Variants in PLEKHM3 observed in about 807,000 individuals in gnomAD.
The protein encoded by PLEKHM3 is pleckstrin homology domain containing M3.
A neutral mutation model predicts 81.8 loss-of-function variants in PLEKHM3; 45 were observed. That is an observed-to-expected ratio of 0.55 (90% CI 0.43 to 0.71). PLEKHM3 has a LOEUF of 0.71. Among genes scored for constraint, PLEKHM3 ranks in the 30% least tolerant of loss-of-function variants. The pLI, the probability that PLEKHM3 is intolerant of heterozygous loss-of-function variation, is 0.00. For missense variants in PLEKHM3, 788 were observed against 924.3 expected (o/e 0.85, Z 1.91); for synonymous variants, 352 against 356.4 (o/e 0.99, Z 0.14).
chr2:207,831,738 T>A (rs995911401), intron 7 of PLEKHM3, among the ~76,000 whole-genome samples: 7 of 152,090 alleles, frequency 4.6e-5, no homozygotes, highest in African/African-American at 1.7e-4. Flanking sequence ...CCCAGCCCCC[T>A]CCTCCTTCCA....
intron 7 of PLEKHM3, among the ~76,000 whole-genome samples, chr2:207,856,416 G>A (rs763924451): frequency 2.0e-5 from 3 of 152,176 alleles, no homozygotes; most frequent in Non-Finnish European, 4.4e-5. Flanking sequence ...CACCACTGAA[G>A]CATCATACAG....
intron 6 of PLEKHM3, among the ~76,000 whole-genome samples, chr2:207,875,587 ACAGGGAAATG>A: frequency 6.6e-6 from 1 of 152,350 alleles, no homozygotes; most frequent in South Asian, 2.1e-4. Context: ...ACACAAGTGT[ACAGGGAAATG>A]TGGAGGGTGT....
intron 6 of PLEKHM3, among the ~76,000 whole-genome samples, chr2:207,874,528 C>T (rs1240479528): frequency 3.3e-5 from 5 of 151,444 alleles, no homozygotes; most frequent in East Asian, 2.0e-4. Context: ...GAGCCGAGAT[C>T]GTGCCTTTGC....
At chr2:207,990,369 T>C (rs919900456) in intron 2 of PLEKHM3, among the ~76,000 whole-genome samples, 11 of 152,314 alleles carry the variant, frequency 7.2e-5, no homozygotes, top group Admixed American at 7.2e-4. Flanking sequence ...ACCTTGACTT[T>C]GTGCTCAATC....
At chr2:208,025,221 C>G (rs1693288563) in intron 1 of PLEKHM3, among the ~76,000 whole-genome samples, 168 bp downstream of exon 1, 1 of 152,198 alleles carries the variant, frequency 6.6e-6, no homozygotes, top group African/African-American at 2.4e-5. Flanking sequence ...CACCCATTAG[C>G]CATTGCAGTG....
At chr2:207,860,149 C>CTG (rs1491556619) in intron 7 of PLEKHM3, among the ~76,000 whole-genome samples, 26 of 63,790 alleles carry the variant, frequency 4.1e-4, no homozygotes, top group African/African-American at 1.3e-3. Context: ...TGAACTCTGC[C>CTG]TCTGTGTGTG....
At chr2:207,849,258 C>T (rs1406534265) in intron 7 of PLEKHM3, among the ~76,000 whole-genome samples, 3 of 151,908 alleles carry the variant, frequency 2.0e-5, no homozygotes, top group African/African-American at 7.3e-5. Flanking sequence ...CGCTTGAACC[C>T]GGGAGGTGGA....
At chr2:208,023,686 C>T (rs1693204200) in intron 1 of PLEKHM3, among the ~76,000 whole-genome samples, 1 of 152,004 alleles carries the variant, frequency 6.6e-6, no homozygotes, top group African/African-American at 2.4e-5. Flanking sequence ...CATCCCGTAA[C>T]TATCACCCCC....
chr2:207,991,415 A>G (rs1004271765), intron 2 of PLEKHM3, among the ~76,000 whole-genome samples: 4 of 152,188 alleles, frequency 2.6e-5, no homozygotes, highest in Non-Finnish European at 4.4e-5. Context: ...TCATTAACAG[A>G]ACCCTAATTT....
At chr2:207,994,145 A>C (rs1280096319) in intron 2 of PLEKHM3, among the ~76,000 whole-genome samples, 2 of 152,240 alleles carry the variant, frequency 1.3e-5, no homozygotes, top group Non-Finnish European at 1.5e-5. Flanking sequence ...AATCAGGAGT[A>C]GAGTTTGGAT....
intron 6 of PLEKHM3, among the ~76,000 whole-genome samples, chr2:207,885,817 G>A (rs1687869235): frequency 6.6e-6 from 1 of 152,142 alleles, no homozygotes; most frequent in Non-Finnish European, 1.5e-5. Context: ...ATAAACCTAG[G>A]GGAATAGACA....
intron 1 of PLEKHM3, among the ~76,000 whole-genome samples, chr2:208,002,567 C>T (rs1271959715): frequency 6.6e-6 from 1 of 152,112 alleles, no homozygotes; most frequent in Non-Finnish European, 1.5e-5. Flanking sequence ...CAGGATTGGC[C>T]TCAGAGTATG....
intron 6 of PLEKHM3, among the ~76,000 whole-genome samples, chr2:207,896,818 GCTT>G (rs1688239428): frequency 6.6e-6 from 1 of 152,226 alleles, no homozygotes; most frequent in African/African-American, 2.4e-5. Flanking sequence ...AGTCTGGTAA[GCTT>G]CTCTCCGCAG....
chr2:207,905,416 T>G (rs1688569852), intron 6 of PLEKHM3, among the ~76,000 whole-genome samples: 1 of 152,232 alleles, frequency 6.6e-6, no homozygotes, highest in Non-Finnish European at 1.5e-5. Context: ...TTGGGTCAGT[T>G]AGGTAGGGTT....
intron 2 of PLEKHM3, among the ~76,000 whole-genome samples, chr2:207,994,989 G>A (rs1002033258): frequency 6.6e-6 from 1 of 152,080 alleles, no homozygotes; most frequent in Non-Finnish European, 1.5e-5. Flanking sequence ...GTAACAAACT[G>A]GCACGTTCTG....
At position 207,930,979 on chromosome 2, in the gene PLEKHM3, G is replaced by C. The variant is rs558259008; in HGVS notation, c.1833C>G (p.Leu611=). ...CCCGGCAGCTGAACAAATAGGCTCG[G>C]AGCGACTTCAGCCGCTGCCGCAGCC... is the stretch of plus-strand genomic sequence containing the variant. The part of the protein sequence containing the change: ...VLRLRQRLKS[L]RAYLFSCRAA... Residue 611 remains leucine, a synonymous_variant, in exon 5 of 8, where the codon CTC becomes CTG. Coordinates refer to ENST00000427836, the MANE Select transcript of PLEKHM3 (RefSeq NM_001080475.3). 1.9e-6 allele frequency: 3 copies of C among 1,613,750 alleles called. No individual in the cohort carries two copies. Among genetic ancestry groups the C allele is most frequent in the South Asian group, 1.1e-5 (1 of 91,054 alleles).
intron 6 of PLEKHM3, among the ~76,000 whole-genome samples, chr2:207,863,649 G>A (rs1406616202): frequency 6.6e-6 from 1 of 152,048 alleles, no homozygotes; most frequent in African/African-American, 2.4e-5. Context: ...TCAGTTAATG[G>A]GTGTCGAGTT....
chr2:207,900,357 A>C (rs945229807), intron 6 of PLEKHM3: 1 of 152,260 alleles, frequency 6.6e-6, no homozygotes, highest in Non-Finnish European at 1.5e-5. Context: ...ATCTCCAGAC[A>C]GCACCAGGTT....
At position 207,977,199 on chromosome 2, in the gene PLEKHM3, T is replaced by G. The variant is rs753633998; in HGVS notation, c.998A>C (p.Tyr333Ser). The G allele has an allele frequency of 4.3e-6, 7 of 1,614,210 alleles. No individual in the cohort carries two copies. The highest frequency in any genetic ancestry group is 5.9e-6 in the Non-Finnish European group (7 of 1,180,024). The change falls in exon 3 of 8, where the codon TAT becomes TCT. Residue 333 changes from tyrosine (Y) to serine (S), a missense_variant. Transcript: ENST00000427836. The stretch of plus-strand genomic sequence containing the variant: ...CTTCTGGAAACTATGATTCTGTGTA[T>G]AGTCATCATGATGGCCAAGCCCTGG... ...ISPGLGHHDD[Y>S]TQNHSFQKKT...
Sources: gnomAD v4.1 joint callset for allele counts (sites outside exome capture counted in the v4.1 genomes callset) on GRCh38, gnomAD v4.1.1 for gene constraint, MANE v1.5 for transcripts, NCBI Gene and HGNC (gene_info 2026-07-23, HGNC 2026-07-21) for gene names.